The following SND1 variants were observed in gnomAD, a reference collection of about 807,000 sequenced individuals.
The protein encoded by SND1 is staphylococcal nuclease and tudor domain containing 1, also known as staphylococcal nuclease domain-containing protein 1.
Under a neutral mutation model 121.7 loss-of-function variants are expected in SND1, and 38 were observed. That is an observed-to-expected ratio of 0.31 (90% CI 0.24 to 0.41). The LOEUF (loss-of-function observed/expected upper bound fraction) is 0.41. Ranked by LOEUF, SND1 falls within the 10% of genes least tolerant of loss-of-function variation. SND1 has a pLI of 1.00. For missense variants in SND1, 868 were observed against 1,184.6 expected (o/e 0.73, Z 3.92); for synonymous variants, 401 against 447.4 (o/e 0.90, Z 1.31).
chr7:127,975,349 G>A (rs779140024), intron 15 of SND1, among the ~76,000 whole-genome samples: 23 of 152,044 alleles, frequency 1.5e-4, no homozygotes, highest in Non-Finnish European at 2.2e-4. Context: ...GCGCATGTGC[G>A]CACGCGCGTG....
intron 11 of SND1, among the ~76,000 whole-genome samples, chr7:127,843,417 A>G (rs1214158992): frequency 6.6e-6 from 1 of 152,122 alleles, no homozygotes; most frequent in Non-Finnish European, 1.5e-5. Flanking sequence ...CTCTCCTTCT[A>G]ACTCCTGGCA....
intron 12 of SND1, among the ~76,000 whole-genome samples, chr7:127,883,685 T>C (rs1799840780): frequency 6.6e-6 from 1 of 152,192 alleles, no homozygotes; most frequent in Admixed American, 6.5e-5. Flanking sequence ...TTTTGCCAAC[T>C]GTTCTAATGG....
At chr7:127,908,429 A>G (rs565739407) in intron 14 of SND1, among the ~76,000 whole-genome samples, 9 of 152,002 alleles carry the variant, frequency 5.9e-5, no homozygotes, top group East Asian at 3.9e-4. Context: ...AGAAAATTAC[A>G]TACTCCCAAG....
chr7:127,997,762 C>G, intron 16 of SND1: 1 of 534,802 alleles, frequency 1.9e-6, no homozygotes, highest in Middle Eastern at 3.2e-4. Flanking sequence ...ACTGGCAGTT[C>G]ACCATATATA....
chr7:127,668,037 A>G (rs1042567016), intron 1 of SND1, among the ~76,000 whole-genome samples: 1 of 152,216 alleles, frequency 6.6e-6, no homozygotes, highest in East Asian at 1.9e-4. Context: ...TCATCTTTCA[A>G]TAGAAACAAA....
intron 12 of SND1, among the ~76,000 whole-genome samples, chr7:127,854,536 T>TTCTA (rs1215121098): frequency 5.2e-5 from 7 of 134,314 alleles, no homozygotes; most frequent in Non-Finnish European, 1.1e-4. Flanking sequence ...CCTACTAGCA[T>TTCTA]TCTATTTATT....
At chr7:127,802,785 T>C (rs571491976) in intron 10 of SND1, among the ~76,000 whole-genome samples, 102 of 152,356 alleles carry the variant, frequency 6.7e-4, no homozygotes, top group African/African-American at 2.4e-3. Flanking sequence ...CGTTCGTCTA[T>C]TCTACTGGTG....
chr7:127,971,931 C>T (rs931353685), intron 15 of SND1, among the ~76,000 whole-genome samples: 1 of 151,670 alleles, frequency 6.6e-6, no homozygotes. Flanking sequence ...TGCCACCACG[C>T]CCAGCTAACT....
chr7:127,790,535 GTC>G (rs1450309154), intron 10 of SND1, among the ~76,000 whole-genome samples: 1 of 152,162 alleles, frequency 6.6e-6, no homozygotes, highest in Non-Finnish European at 1.5e-5. Flanking sequence ...GTGGCCAAGG[GTC>G]TCTCAATTTC....
Position 127,704,826 on chromosome 7 carries a change from C to A in SND1, c.841-13C>A, listed in dbSNP as rs1164049824. The A allele has an allele frequency of 2.5e-6, 4 of 1,608,190 alleles. No individual in the cohort carries two copies. Among genetic ancestry groups the A allele is most frequent in the Non-Finnish European group, 3.4e-6 (4 of 1,174,846 alleles). On this transcript the variant is annotated splice_polypyrimidine_tract_variant and intron_variant, in intron 7 of 23. Transcript: ENST00000354725. ...CTAATCCGTGCCTGCCTCTCATGTACCTTGTTTTTCAGAATGGCAACATCA... is the reference window on the plus strand; with the variant it reads ...CTAATCCGTGCCTGCCTCTCATGTAACTTGTTTTTCAGAATGGCAACATCA...
At chr7:127,921,137 G>T (rs995959575) in intron 14 of SND1, among the ~76,000 whole-genome samples, 1 of 152,120 alleles carries the variant, frequency 6.6e-6, no homozygotes, top group African/African-American at 2.4e-5. Flanking sequence ...TTTCAAGGTA[G>T]AAAAGAAATG....
chr7:127,744,287 C>T (rs190539242), intron 10 of SND1, among the ~76,000 whole-genome samples: 3 of 151,694 alleles, frequency 2.0e-5, no homozygotes, highest in Non-Finnish European at 2.9e-5. Flanking sequence ...TTCAATTTGC[C>T]GTTTTTGGGT....
At chr7:127,954,711 G>T (rs1801553357) in intron 15 of SND1, among the ~76,000 whole-genome samples, 2 of 152,120 alleles carry the variant, frequency 1.3e-5, no homozygotes, top group African/African-American at 4.8e-5. Context: ...TCTCCAGGGA[G>T]CTGGAGAGCT....
chr7:127,916,883 C>A (rs527421954), intron 14 of SND1, among the ~76,000 whole-genome samples: 33 of 152,278 alleles, frequency 2.2e-4, no homozygotes, highest in African/African-American at 7.9e-4. Context: ...TGTCTTATCT[C>A]TAGATCTGTA....
Position 127,923,163 on chromosome 7 carries a change from A to AT in SND1, c.1528-6019dup, listed in dbSNP as rs112547980. ...ACCACCATGCTTGGCTAATTTTTAA[A>AT]TTTTTTGTAGAGATGGGGTATTGAA... On this transcript the variant is annotated intron_variant, in intron 14 of 23. Transcript: ENST00000354725. Among the ~76,000 whole-genome samples the AT allele has an allele frequency of 3.2e-3, 494 of 152,142 alleles. 2 individuals are homozygous for AT. The highest frequency in any genetic ancestry group is 0.01 in the African/African-American group (435 of 41,504).
In SND1 at chr7:128,076,143, C is replaced by G. The variant is rs1793503014; in HGVS notation, c.1968+1453C>G. ...TCAGAGCTGGGCGATCCTCTACCCT[C>G]TAAGAGTAGAGACTCTAGAGGAACC... On this transcript the variant is annotated intron_variant, in intron 17 of 23. Coordinates refer to ENST00000354725, the MANE Select transcript of SND1 (RefSeq NM_014390.4). Among the ~76,000 whole-genome samples the G allele has an allele frequency of 3.9e-5, 6 of 152,206 alleles. 1 individual carries two copies. Among genetic ancestry groups the G allele is most frequent in the Admixed American group, 3.3e-4 (5 of 15,282 alleles).
chr7:127,799,129 T>C (rs1395050628), intron 10 of SND1, among the ~76,000 whole-genome samples: 3 of 152,178 alleles, frequency 2.0e-5, no homozygotes, highest in Non-Finnish European at 4.4e-5. Context: ...GTAGTCTGCA[T>C]GGTTATAAGC....
At chr7:127,805,274 A>G (rs1454862736) in intron 10 of SND1, among the ~76,000 whole-genome samples, 2 of 152,170 alleles carry the variant, frequency 1.3e-5, no homozygotes, top group South Asian at 2.1e-4. Flanking sequence ...GTTTACGGTC[A>G]TATCCTTCCC....
At chr7:127,818,721 G>A (rs1232585753) in intron 11 of SND1, among the ~76,000 whole-genome samples, 4 of 152,160 alleles carry the variant, frequency 2.6e-5, no homozygotes, top group South Asian at 2.1e-4. Context: ...CACAGGGTGG[G>A]CAGTGAAACA....
Sources: allele counts gnomAD v4.1 joint callset (sites outside exome capture counted in the v4.1 genomes callset), GRCh38; gene constraint gnomAD v4.1.1; transcripts MANE v1.5; gene names NCBI Gene and HGNC (gene_info 2026-07-23, HGNC 2026-07-21).